Variants in COG5 observed in about 807,000 individuals in gnomAD.
COG5 encodes component of oligomeric golgi complex 5.
Under a neutral mutation model 110.4 loss-of-function variants are expected in COG5, and 86 were observed. The observed-to-expected ratio is 0.78, with a 90% CI of 0.65 to 0.93. The LOEUF (loss-of-function observed/expected upper bound fraction) is 0.93, where lower values mean the gene tolerates loss of function less well. COG5 is among the 40% of genes least tolerant of loss of function. The probability of loss-of-function intolerance (pLI) is 0.00; values close to 1 mark genes in which losing one functional copy is unlikely to be tolerated. For missense variants in COG5, 1,077 were observed against 987.0 expected (o/e 1.09, Z -1.22); for synonymous variants, 360 against 334.6 (o/e 1.08, Z -0.83).
At chr7:107,541,970 T>C (rs1362277480) in intron 5 of COG5, among the ~76,000 whole-genome samples, 1 of 148,774 alleles carries the variant, frequency 6.7e-6, no homozygotes, top group Non-Finnish European at 1.5e-5. Flanking sequence ...ACACACAGGA[T>C]GGGATTAACA....
intron 14 of COG5, among the ~76,000 whole-genome samples, chr7:107,275,184 A>C (rs1804599332): frequency 6.6e-6 from 1 of 152,054 alleles, no homozygotes; most frequent in Admixed American, 6.6e-5. Flanking sequence ...CTAAAGGATC[A>C]AGAGGGCCAG....
intron 1 of COG5, among the ~76,000 whole-genome samples, chr7:107,558,936 C>CAACAAAAAAAAAAAAAAAAAAAAAA (rs1803557943): frequency 2.7e-5 from 1 of 37,232 alleles, no homozygotes; most frequent in Non-Finnish European, 6.0e-5. Flanking sequence ...AAAAAAAAAA[C>CAACAAAAAAAAAAAAAAAAAAAAAA]CATAACTACT....
chr7:107,563,622 A>T (rs1804179846), intron 1 of COG5, 181 bp downstream of exon 1: 1 of 673,428 alleles, frequency 1.5e-6, no homozygotes, highest in Non-Finnish European at 2.7e-6. Context: ...AGAGGGAGCC[A>T]GTCCCAGAGT....
At chr7:107,494,719 G>T (rs561103181) in intron 6 of COG5, among the ~76,000 whole-genome samples, 1 of 152,232 alleles carries the variant, frequency 6.6e-6, no homozygotes, top group Admixed American at 6.5e-5. Flanking sequence ...ATTTGAAGGC[G>T]ACAGAAATAA....
At chr7:107,333,756 C>T (rs983231152) in intron 10 of COG5, among the ~76,000 whole-genome samples, 2 of 152,072 alleles carry the variant, frequency 1.3e-5, no homozygotes, top group Non-Finnish European at 2.9e-5. Context: ...TAGAGATAAT[C>T]TAAATGTTAA....
chr7:107,516,455 A>T (rs1444876551), intron 6 of COG5, among the ~76,000 whole-genome samples: 1 of 152,226 alleles, frequency 6.6e-6, no homozygotes, highest in Admixed American at 6.5e-5. Context: ...AGAGCTTCTT[A>T]AATTTTGATG....
chr7:107,325,525 C>T (rs1388196735), intron 10 of COG5, among the ~76,000 whole-genome samples: 2 of 152,106 alleles, frequency 1.3e-5, no homozygotes, highest in African/African-American at 4.8e-5. Flanking sequence ...GTGGCGCATG[C>T]CTGTAATCCC....
chr7:107,479,744 A>C (rs758883920), intron 6 of COG5, among the ~76,000 whole-genome samples: 7 of 152,204 alleles, frequency 4.6e-5, no homozygotes, highest in Non-Finnish European at 8.8e-5. Context: ...GAAGTAAAAT[A>C]ACATTAAATA....
At chr7:107,508,250 A>G (rs1417882711) in intron 6 of COG5, among the ~76,000 whole-genome samples, 1 of 152,234 alleles carries the variant, frequency 6.6e-6, no homozygotes, top group Non-Finnish European at 1.5e-5. Flanking sequence ...CCTGGCTCGG[A>G]GGGTCCTATG....
Position 107,318,093 on chromosome 7 carries a change from T to C in COG5, c.1108+6347A>G, listed in dbSNP as rs576233481. On this transcript the variant is annotated intron_variant, in intron 11 of 21. Coordinates refer to ENST00000297135, the MANE Select transcript of COG5 (RefSeq NM_006348.5). ...GCCAGGCTGGAGTGCAGTGGGGCCA[T>C]CTCGGCTCACTGCAACCTCCACCTT... Among the ~76,000 whole-genome samples, 304 of 152,272 alleles carry C rather than the reference T, an allele frequency of 2.0e-3. 2 individuals carry two copies. Among genetic ancestry groups the C allele is most frequent in the African/African-American group, 6.9e-3 (287 of 41,554 alleles).
At chr7:107,270,646 C>CA (rs1804182303) in intron 14 of COG5, among the ~76,000 whole-genome samples, 2 of 151,464 alleles carry the variant, frequency 1.3e-5, no homozygotes, top group African/African-American at 2.4e-5. Flanking sequence ...CACACACACA[C>CA]CCCTTTACTC....
chr7:107,283,491 T>C (rs756595150), intron 13 of COG5, 80 bp downstream of exon 13: 2 of 1,248,040 alleles, frequency 1.6e-6, no homozygotes, highest in Non-Finnish European at 2.3e-6. Flanking sequence ...TGAAAATAAA[T>C]TAAAAAGGTA....
At chr7:107,516,273 G>A (rs1356154592) in intron 6 of COG5, among the ~76,000 whole-genome samples, 2 of 152,098 alleles carry the variant, frequency 1.3e-5, no homozygotes, top group East Asian at 3.8e-4. Context: ...ATCATCTTGG[G>A]TGAAGTGTCT....
intron 6 of COG5, among the ~76,000 whole-genome samples, chr7:107,466,833 T>C (rs1796321221): frequency 6.6e-6 from 1 of 152,228 alleles, no homozygotes; most frequent in Non-Finnish European, 1.5e-5. Flanking sequence ...AAAACTGATT[T>C]TCAGCAATTA....
chr7:107,202,540 T>TTGA lies in COG5; in HGVS notation c.*973_*975dup, dbSNP rs540341554. The TTGA allele has an allele frequency of 9.5e-5, 13 of 136,760 alleles. No individual in the cohort carries two copies. The highest frequency in any genetic ancestry group is 8.4e-4 in the Admixed American group (12 of 14,288). The allele number at this position is 136,760 out of a possible 1,614,324, so 8.5% of individuals were successfully genotyped here. ...GTTGCTTATCTCTGACGTCTACTGA[T>TTGA]TGATTGATTGATTGATTAATCTTGG... is the stretch of plus-strand genomic sequence containing the variant. On this transcript the variant is annotated 3_prime_UTR_variant, in exon 22 of 22. Coordinates refer to ENST00000297135, the MANE Select transcript of COG5 (RefSeq NM_006348.5).
chr7:107,531,926 G>T (rs951207452), intron 5 of COG5, among the ~76,000 whole-genome samples: 1 of 152,114 alleles, frequency 6.6e-6, no homozygotes, highest in African/African-American at 2.4e-5. Flanking sequence ...GTCATGAACC[G>T]AGCAGTCGTT....
chr7:107,311,228 T>C (rs1808213221), intron 11 of COG5, among the ~76,000 whole-genome samples: 1 of 152,170 alleles, frequency 6.6e-6, no homozygotes, highest in Non-Finnish European at 1.5e-5. Context: ...TAACAATGTG[T>C]GAGACTGACT....
chr7:107,327,492 T>A (rs970891477), intron 10 of COG5, among the ~76,000 whole-genome samples: 1 of 151,928 alleles, frequency 6.6e-6, no homozygotes, highest in African/African-American at 2.4e-5. Flanking sequence ...AAACAATCAA[T>A]AGAGTAAAAA....
At chr7:107,430,615 T>C (rs1409177442) in intron 6 of COG5, among the ~76,000 whole-genome samples, 2 of 152,216 alleles carry the variant, frequency 1.3e-5, no homozygotes, top group Non-Finnish European at 2.9e-5. Context: ...CCAGTATGAA[T>C]TTTAGGATCA....
Sources: allele counts gnomAD v4.1 joint callset (sites outside exome capture counted in the v4.1 genomes callset), GRCh38; gene constraint gnomAD v4.1.1; transcripts MANE v1.5; gene names NCBI Gene and HGNC (gene_info 2026-07-23, HGNC 2026-07-21).